Variants in CAPZB observed in about 807,000 individuals in gnomAD.
CAPZB encodes F-actin-capping protein subunit beta.
Under a neutral mutation model 38.1 loss-of-function variants are expected in CAPZB, and 2 were observed. The ratio of observed to expected loss-of-function variants is 0.05; its 90% CI spans 0.02 to 0.17. CAPZB has a LOEUF of 0.17. Ranked by LOEUF, CAPZB falls within the 10% of genes least tolerant of loss-of-function variation. The pLI is 1.00. For synonymous variants in CAPZB, 107 were observed against 127.4 expected, an observed-to-expected ratio of 0.84 and a Z score of 1.08; for missense variants, 161 against 334.2, an observed-to-expected ratio of 0.48 and a Z score of 4.04.
chr1:19,430,833 G>A (rs2094439543), intron 1 of CAPZB, among the ~76,000 whole-genome samples: 1 of 152,084 alleles, frequency 6.6e-6, no homozygotes, highest in African/African-American at 2.4e-5. Flanking sequence ...CATATACAAT[G>A]GGCTAACCTG....
intron 1 of CAPZB, among the ~76,000 whole-genome samples, chr1:19,457,886 A>C (rs1570326097): frequency 6.6e-6 from 1 of 152,122 alleles, no homozygotes; most frequent in Non-Finnish European, 1.5e-5. Flanking sequence ...ACTGGAAAAA[A>C]CCTAAAGGGC....
chr1:19,403,111 C>T lies in CAPZB; in HGVS notation c.93+16550G>A, dbSNP rs534233646. Among the ~76,000 whole-genome samples the T allele has an allele frequency of 1.9e-3, 289 of 152,290 alleles. 2 individuals are homozygous for T. The highest frequency in any genetic ancestry group is 6.9e-3 in the African/African-American group (286 of 41,560). ...TCCATCCTGGGTTATCTGGCTCCCA[C>T]CGTGGCTATGAGCTCTTTAAAGACA... On this transcript the variant is annotated intron_variant, in intron 2 of 8. Coordinates refer to ENST00000264202, the MANE Select transcript of CAPZB (RefSeq NM_004930.5).
intron 1 of CAPZB, among the ~76,000 whole-genome samples, chr1:19,444,442 TAAAC>T (rs1398326728): frequency 6.6e-6 from 1 of 152,224 alleles, no homozygotes; most frequent in African/African-American, 2.4e-5. Context: ...CTCACTCATA[TAAAC>T]AAACAAACCT....
intron 2 of CAPZB, among the ~76,000 whole-genome samples, chr1:19,389,984 A>G (rs1165775854): frequency 6.6e-6 from 1 of 152,184 alleles, no homozygotes; most frequent in Non-Finnish European, 1.5e-5. Context: ...ACACCTACAG[A>G]GGCCAAGACA....
intron 1 of CAPZB, chr1:19,448,925 G>C (rs778822081): frequency 1.9e-6 from 3 of 1,612,880 alleles, no homozygotes; most frequent in Non-Finnish European, 2.5e-6. Flanking sequence ...TGGAGGAGGT[G>C]ATGGGTTAAT....
At chr1:19,343,887 G>A (rs1249791814) in intron 8 of CAPZB, among the ~76,000 whole-genome samples, 1 of 152,198 alleles carries the variant, frequency 6.6e-6, no homozygotes, top group Non-Finnish European at 1.5e-5. Flanking sequence ...GGCCCTGCCT[G>A]CATGTGGCGT....
chr1:19,472,183 G>GA (rs2094590947), intron 1 of CAPZB, among the ~76,000 whole-genome samples: 1 of 152,198 alleles, frequency 6.6e-6, no homozygotes, highest in Non-Finnish European at 1.5e-5. Context: ...TGCGAGGCCT[G>GA]TTTCCCAGGA....
intron 1 of CAPZB, among the ~76,000 whole-genome samples, chr1:19,472,749 G>C (rs961173923): frequency 9.6e-6 from 1 of 104,686 alleles, no homozygotes; most frequent in African/African-American, 3.9e-5. Flanking sequence ...CTGGAGTCTT[G>C]CTCTGTCACC....
intron 6 of CAPZB, among the ~76,000 whole-genome samples, chr1:19,346,109 T>C (rs1415161087): frequency 6.6e-6 from 1 of 152,136 alleles, no homozygotes; most frequent in Non-Finnish European, 1.5e-5. Context: ...TATAAATTCT[T>C]TCAGGAGAGA....
chr1:19,453,974 A>G (rs555135098), intron 1 of CAPZB, among the ~76,000 whole-genome samples: 53 of 152,218 alleles, frequency 3.5e-4, no homozygotes, highest in Non-Finnish European at 1.6e-4. Flanking sequence ...ACGCCCAGGC[A>G]GCCAGCTGCA....
At chr1:19,362,014 G>GCCCTGCCCTGGC (rs2094055409) in intron 4 of CAPZB, among the ~76,000 whole-genome samples, 1 of 152,102 alleles carries the variant, frequency 6.6e-6, no homozygotes, top group Admixed American at 6.5e-5. Context: ...GAATTAATCC[G>GCCCTGCCCTGGC]CCCTGCCCTG....
intron 1 of CAPZB, among the ~76,000 whole-genome samples, chr1:19,430,276 C>G (rs1427774214): frequency 6.6e-6 from 1 of 152,176 alleles, no homozygotes; most frequent in Non-Finnish European, 1.5e-5. Flanking sequence ...CACACAGGCT[C>G]TGTGTCAAAC....
intron 2 of CAPZB, among the ~76,000 whole-genome samples, chr1:19,393,034 C>T (rs981472722): frequency 1.3e-5 from 2 of 152,190 alleles, no homozygotes; most frequent in Non-Finnish European, 2.9e-5. Context: ...ACCCCACCAC[C>T]ACTACTTAGT....
intron 1 of CAPZB, among the ~76,000 whole-genome samples, chr1:19,442,722 C>T (rs2094482010): frequency 6.6e-6 from 1 of 152,170 alleles, no homozygotes; most frequent in South Asian, 2.1e-4. Flanking sequence ...ACACAGGGTC[C>T]TCAAAAATCA....
At chr1:19,441,555 T>C (rs543231993) in intron 1 of CAPZB, among the ~76,000 whole-genome samples, 1 of 152,168 alleles carries the variant, frequency 6.6e-6, no homozygotes, top group Admixed American at 6.5e-5. Context: ...ACCCCTTTTT[T>C]TGCATAACAA....
intron 1 of CAPZB, among the ~76,000 whole-genome samples, chr1:19,439,743 G>A (rs1328093358): frequency 6.6e-6 from 1 of 152,236 alleles, no homozygotes; most frequent in East Asian, 1.9e-4. Flanking sequence ...TCCTGCACAT[G>A]GCACGCTTCC....
intron 8 of CAPZB, chr1:19,342,683 G>T: frequency 2.1e-6 from 2 of 969,904 alleles, no homozygotes; most frequent in South Asian, 2.6e-5. Context: ...CAGCCGGACC[G>T]GCAGGGTCTC....
chr1:19,386,557 G>A (rs563199495), intron 2 of CAPZB, among the ~76,000 whole-genome samples: 7 of 152,276 alleles, frequency 4.6e-5, no homozygotes, highest in Non-Finnish European at 7.3e-5. Flanking sequence ...AAATTCCATC[G>A]TATGGCAAAG....
At chr1:19,463,109 C>T (rs547941864) in intron 1 of CAPZB, among the ~76,000 whole-genome samples, 1 of 152,300 alleles carries the variant, frequency 6.6e-6, no homozygotes, top group South Asian at 2.1e-4. Flanking sequence ...AGGGAAAGAC[C>T]TCGTTAGCCT....
Sources: gnomAD v4.1 joint callset for allele counts (sites outside exome capture counted in the v4.1 genomes callset) on GRCh38, gnomAD v4.1.1 for gene constraint, MANE v1.5 for transcripts, NCBI Gene and HGNC (gene_info 2026-07-23, HGNC 2026-07-21) for gene names.